Variants in RUFY1 observed in about 807,000 individuals in gnomAD.
RUFY1 encodes the protein RUN and FYVE domain containing 1, also known as RUN and FYVE domain-containing protein 1.
RUFY1 carries 54 observed loss-of-function variants against 94.6 expected under a neutral mutation model. That is an observed-to-expected ratio of 0.57 (90% CI 0.46 to 0.72). The LOEUF (loss-of-function observed/expected upper bound fraction) is 0.72, where lower values mean the gene tolerates loss of function less well. Among genes scored for constraint, RUFY1 ranks in the 30% least tolerant of loss-of-function variants. The probability of loss-of-function intolerance (pLI) is 0.00; values close to 1 mark genes in which losing one functional copy is unlikely to be tolerated. For missense variants in RUFY1, 883 were observed against 883.9 expected, an observed-to-expected ratio of 1.00 and a Z score of 0.01; for synonymous variants, 396 against 347.3, an observed-to-expected ratio of 1.14 and a Z score of -1.56.
chr5:179,605,514 G>A (rs1383151810), intron 15 of RUFY1, among the ~76,000 whole-genome samples: 2 of 152,222 alleles, frequency 1.3e-5, no homozygotes, highest in African/African-American at 2.4e-5. Flanking sequence ...GCAGACTCAG[G>A]TTCCTGCTGG....
In RUFY1 at chr5:179,607,616, A is replaced by G. The variant is rs1767242007; in HGVS notation, c.1940A>G (p.His647Arg). ...TGGCTGAAAGATGACGAAGCGACAC[A>G]CTGTAGGCAGTGTGAGAAGGAGTTC... The part of the protein sequence containing the change: ...HAWLKDDEAT[H>R]CRQCEKEFSI... Residue 647 changes from histidine to arginine, a missense_variant, in exon 17 of 18, where the codon CAC (histidine) becomes CGC (arginine). By Grantham distance (29) the His-to-Arg change is conservative. Coordinates refer to ENST00000319449, the MANE Select transcript of RUFY1 (RefSeq NM_025158.5). 3 of 1,614,212 alleles carry G rather than the reference A, an allele frequency of 1.9e-6. No homozygotes were observed. The highest frequency in any genetic ancestry group is 2.5e-6 in the Non-Finnish European group (3 of 1,180,020).
In RUFY1 at chr5:179,581,737, G is replaced by A. The variant is rs557486618; in HGVS notation, c.956+725G>A. On this transcript the variant is annotated intron_variant, in intron 7 of 17. Coordinates refer to ENST00000319449, the MANE Select transcript of RUFY1 (RefSeq NM_025158.5). ...ACTCTGTTGCCCAGGCTGAAGTGTA[G>A]TGGCGTGATCTCAGATCACTGTAGC... Among the ~76,000 whole-genome samples, 3 of 150,622 alleles carry A rather than the reference G, an allele frequency of 2.0e-5. No homozygotes were observed. The South Asian group carries it at 6.3e-4, about 32-fold the overall frequency.
intron 15 of RUFY1, chr5:179,602,273 G>A: frequency 2.7e-6 from 1 of 367,834 alleles, no homozygotes; most frequent in Admixed American, 3.9e-5. Context: ...GGGCCTGAGG[G>A]AACAGATGGG....
rs1165532131 is a variant in RUFY1, at chr5:179,562,627, G to T, written c.565G>T (p.Asp189Tyr). 6.2e-7 allele frequency: 1 copy of T among 1,603,240 alleles called. No homozygotes were observed. The highest frequency in any genetic ancestry group is 2.2e-5 in the East Asian group (1 of 44,834). Residue 189 changes from aspartate to tyrosine, a missense_variant, in exon 3 of 18, where the codon GAT (aspartate) becomes TAT (tyrosine). Asp to Tyr is a radical substitution (Grantham distance 160). Transcript: ENST00000319449. ...LVEKLCPEAS[D>Y]IATSVRNLPE... ...GGAGAAACTTTGTCCAGAAGCATCA[G>T]ATATAGCGACTAGTGTCAGAAATCT...
intron 15 of RUFY1, 94 bp downstream of exon 15, chr5:179,602,080 G>T: frequency 9.8e-7 from 1 of 1,019,028 alleles, no homozygotes; most frequent in East Asian, 2.4e-5. Flanking sequence ...TTGGCGAACG[G>T]AGGGTGGGCC....
intron 2 of RUFY1, among the ~76,000 whole-genome samples, chr5:179,561,784 G>A (rs548457672): frequency 7.2e-6 from 1 of 138,454 alleles, no homozygotes; most frequent in South Asian, 2.4e-4. Flanking sequence ...CCAGGTTCAC[G>A]CCATTCTCCT....
intron 6 of RUFY1, among the ~76,000 whole-genome samples, 167 bp from the exon 7 acceptor site, chr5:179,580,780 G>A (rs1764096054): frequency 6.6e-6 from 1 of 152,014 alleles, no homozygotes; most frequent in South Asian, 2.1e-4. Flanking sequence ...GACCCAGGCT[G>A]GCTTTCTCTC....
intron 8 of RUFY1, among the ~76,000 whole-genome samples, chr5:179,588,607 A>T (rs1412931853): frequency 6.6e-6 from 1 of 152,210 alleles, no homozygotes; most frequent in African/African-American, 2.4e-5. Flanking sequence ...ATTTAAATAT[A>T]CTTTTACCGA....
chr5:179,597,693 T>C (rs986137114), intron 13 of RUFY1, among the ~76,000 whole-genome samples: 1 of 151,946 alleles, frequency 6.6e-6, no homozygotes, highest in Admixed American at 6.6e-5. Context: ...TGAGATAATA[T>C]ATATGCCAAG....
At chr5:179,575,508 A>G (rs774957719) in intron 5 of RUFY1, among the ~76,000 whole-genome samples, 3 of 152,194 alleles carry the variant, frequency 2.0e-5, no homozygotes, top group Non-Finnish European at 4.4e-5. Flanking sequence ...CTCAAGAGAA[A>G]GAGCTGGGTG....
chr5:179,585,546 T>G (rs573304348), intron 7 of RUFY1, among the ~76,000 whole-genome samples: 48 of 152,310 alleles, frequency 3.2e-4, no homozygotes, highest in Non-Finnish European at 7.1e-4. Context: ...TCCACTGCAC[T>G]CTAGTCTGGG....
chr5:179,553,600 A>T (rs1561946224), intron 1 of RUFY1, among the ~76,000 whole-genome samples: 1 of 151,824 alleles, frequency 6.6e-6, no homozygotes, highest in South Asian at 2.1e-4. Flanking sequence ...CCTGGCCAAC[A>T]TGGTGAAACC....
At chr5:179,566,152 A>C (rs1762815352) in intron 3 of RUFY1, among the ~76,000 whole-genome samples, 1 of 151,994 alleles carries the variant, frequency 6.6e-6, no homozygotes, top group Non-Finnish European at 1.5e-5. Flanking sequence ...AAAAAAAAGA[A>C]AGTTGTGAAG....
In RUFY1 at chr5:179,607,663, C is replaced by T. The variant is rs10053391; in HGVS notation, c.1983+4C>T. On this transcript the variant is annotated splice_donor_region_variant and intron_variant, in intron 17 of 17. Transcript: ENST00000319449. ...GTTCTCCATTTCCCGGAGAAAGGTA[C>T]GTGGGGGCTCCACCCACCCTCCCAG... 3.3e-5 allele frequency: 53 copies of T among 1,612,556 alleles called. No homozygotes were observed. The highest frequency in any genetic ancestry group is 3.2e-4 in the Admixed American group (19 of 60,028).
intron 2 of RUFY1, among the ~76,000 whole-genome samples, chr5:179,560,575 A>G (rs1762374920): frequency 6.6e-6 from 1 of 151,458 alleles, no homozygotes; most frequent in Admixed American, 6.6e-5. Context: ...AAATACAAAA[A>G]ATTAGCTGGG....
At chr5:179,602,153 C>T (rs780159790) in intron 15 of RUFY1, 167 bp downstream of exon 15, 19 of 613,398 alleles carry the variant, frequency 3.1e-5, no homozygotes, top group Non-Finnish European at 5.6e-5. Flanking sequence ...CAGAGGGGCC[C>T]AGCACTGATC....
chr5:179,573,116 T>C (rs1763344214), intron 5 of RUFY1, among the ~76,000 whole-genome samples: 1 of 152,226 alleles, frequency 6.6e-6, no homozygotes, highest in South Asian at 2.1e-4. Context: ...TCTGAATCTG[T>C]GTTCCTATGC....
At chr5:179,598,475 G>C (rs1202133912) in intron 13 of RUFY1, 1 of 595,232 alleles carries the variant, frequency 1.7e-6, no homozygotes, top group Non-Finnish European at 3.0e-6. Flanking sequence ...CCCTGCGTAA[G>C]TGTCAAGTGT....
intron 17 of RUFY1, 134 bp from the exon 18 acceptor site, chr5:179,609,242 C>T: frequency 1.3e-6 from 1 of 757,530 alleles, no homozygotes; most frequent in Non-Finnish European, 2.1e-6. Context: ...TGTTTGCACA[C>T]AGCCCCTCAC....
Sources: allele counts gnomAD v4.1 joint callset (sites outside exome capture counted in the v4.1 genomes callset), GRCh38; gene constraint gnomAD v4.1.1; transcripts MANE v1.5; gene names NCBI Gene and HGNC (gene_info 2026-07-23, HGNC 2026-07-21).